RSPO2: variants seen among roughly 807,000 people sequenced by gnomAD.
RSPO2 encodes the protein R-spondin 2, also known as R-spondin-2.
Under a neutral mutation model 30.9 loss-of-function variants are expected in RSPO2, and 14 were observed. The ratio of observed to expected loss-of-function variants is 0.45; its 90% CI spans 0.30 to 0.71. The LOEUF (loss-of-function observed/expected upper bound fraction) is 0.71. Ranked by LOEUF, RSPO2 falls within the 30% of genes least tolerant of loss-of-function variation. RSPO2 has a pLI of 0.08. For synonymous variants in RSPO2, 107 were observed against 96.4 expected, an observed-to-expected ratio of 1.11 and a Z score of -0.64; for missense variants, 264 against 301.9, an observed-to-expected ratio of 0.87 and a Z score of 0.93.
chr8:107,983,728 G>C, intron 3 of RSPO2: 1 of 1,594,432 alleles, frequency 6.3e-7, no homozygotes, highest in Non-Finnish European at 8.6e-7. Context: ...GAAAAGGCCA[G>C]ACTTCTAAAA....
intron 5 of RSPO2, among the ~76,000 whole-genome samples, chr8:107,954,322 A>G (rs960503754): frequency 1.3e-5 from 2 of 152,206 alleles, no homozygotes; most frequent in Admixed American, 6.5e-5. Context: ...TATGACAAAA[A>G]GCATGTTTAT....
intron 5 of RSPO2, among the ~76,000 whole-genome samples, chr8:107,945,108 AT>A (rs1390194584): frequency 6.6e-6 from 1 of 152,096 alleles, no homozygotes; most frequent in Non-Finnish European, 1.5e-5. Flanking sequence ...ATCATCACAA[AT>A]GGGCAATGAC....
chr8:108,041,766 C>T (rs1401848050), intron 2 of RSPO2, among the ~76,000 whole-genome samples: 5 of 151,912 alleles, frequency 3.3e-5, no homozygotes, highest in African/African-American at 4.8e-5. Flanking sequence ...AGTCCAAAAC[C>T]AATGATGGAA....
chr8:108,017,092 C>G (rs946502728), intron 2 of RSPO2, among the ~76,000 whole-genome samples: 8 of 151,740 alleles, frequency 5.3e-5, no homozygotes, highest in African/African-American at 1.9e-4. Context: ...TCTCGGCTCT[C>G]TGCAAGCTCC....
At chr8:108,063,430 A>T (rs1205088394) in intron 2 of RSPO2, among the ~76,000 whole-genome samples, 1 of 151,880 alleles carries the variant, frequency 6.6e-6, no homozygotes, top group Non-Finnish European at 1.5e-5. Flanking sequence ...TCCCATTCAC[A>T]ATTGCTTCAA....
chr8:108,050,904 T>C (rs1035931114), intron 2 of RSPO2, among the ~76,000 whole-genome samples: 4 of 152,128 alleles, frequency 2.6e-5, no homozygotes, highest in African/African-American at 9.7e-5. Flanking sequence ...TGTTCCTGGG[T>C]TCACTTTTTT....
intron 2 of RSPO2, among the ~76,000 whole-genome samples, chr8:108,047,177 T>C (rs1482370069): frequency 1.3e-5 from 2 of 152,226 alleles, no homozygotes; most frequent in African/African-American, 4.8e-5. Context: ...TGCTCTTCAT[T>C]ATAATACTTG....
In RSPO2 at chr8:107,973,226, C is replaced by T. The variant is rs137974179; in HGVS notation, c.284-12409G>A. ...CAGAGTTTGCAGTGAGCCGAGATCA[C>T]GCCACTGCACTCCAGCCTCAGCAAC... On this transcript the variant is annotated intron_variant, in intron 3 of 5. Coordinates refer to ENST00000276659, the MANE Select transcript of RSPO2 (RefSeq NM_178565.5). Among the ~76,000 whole-genome samples the T allele has an allele frequency of 4.4e-4, 66 of 151,528 alleles. No homozygotes were observed. In the East Asian group the frequency reaches 0.011, roughly 26 times the overall value.
At chr8:107,929,412 CCT>C (rs1356566645) in intron 5 of RSPO2, among the ~76,000 whole-genome samples, 2 of 152,152 alleles carry the variant, frequency 1.3e-5, no homozygotes, top group Admixed American at 6.6e-5. Context: ...TTACATGCCC[CCT>C]GTTTAGCAGC....
rs185945770 is a variant in RSPO2 at position 108,049,593 on chromosome 8, C to G, written c.94+32952G>C. On this transcript the variant is annotated intron_variant, in intron 2 of 5. Coordinates refer to ENST00000276659, the MANE Select transcript of RSPO2 (RefSeq NM_178565.5). ...CAGGCCCCAGTATGTGATGTTCCCC[C>G]CTTCCTGTGTCCATGTGTTCTCATT... is the stretch of plus-strand genomic sequence containing the variant. Among the ~76,000 whole-genome samples the G allele has an allele frequency of 5.3e-5, 8 of 152,010 alleles. No homozygotes were observed. In the East Asian group the frequency reaches 7.8e-4, roughly 15 times the overall value.
At chr8:108,069,134 C>CA (rs925087054) in intron 2 of RSPO2, among the ~76,000 whole-genome samples, 3 of 152,022 alleles carry the variant, frequency 2.0e-5, no homozygotes, top group East Asian at 1.9e-4. Flanking sequence ...CAGAGTAAGT[C>CA]AAAAATCAAT....
intron 3 of RSPO2, among the ~76,000 whole-genome samples, chr8:107,986,623 A>G (rs896824297): frequency 3.3e-5 from 5 of 152,210 alleles, no homozygotes; most frequent in African/African-American, 1.2e-4. Flanking sequence ...CATAGTTGTT[A>G]ATGGCAGCCC....
At chr8:107,981,145 T>G (rs10098172) in intron 3 of RSPO2, among the ~76,000 whole-genome samples, 11,369 of 152,246 alleles carry the variant, frequency 0.075, 894 homozygotes, top group African/African-American at 0.2. Flanking sequence ...TGTCCAGATT[T>G]GGACATTTCA....
intron 2 of RSPO2, among the ~76,000 whole-genome samples, chr8:108,021,498 T>A (rs377622727): frequency 7.2e-5 from 11 of 151,938 alleles, no homozygotes; most frequent in Non-Finnish European, 1.5e-4. Context: ...ATGCCAAACC[T>A]CTCCTCTTCA....
chr8:107,994,063 A>G (rs755155988), intron 2 of RSPO2, among the ~76,000 whole-genome samples: 4 of 152,126 alleles, frequency 2.6e-5, no homozygotes, highest in Non-Finnish European at 5.9e-5. Flanking sequence ...AATATTGGAG[A>G]AAATAAAACA....
chr8:108,001,645 T>A (rs1235222430), intron 2 of RSPO2, among the ~76,000 whole-genome samples: 2 of 152,064 alleles, frequency 1.3e-5, no homozygotes, highest in Non-Finnish European at 2.9e-5. Context: ...AAACATAGGA[T>A]GGTTGGGTGT....
At chr8:107,912,072 C>T (rs866710450) in intron 5 of RSPO2, among the ~76,000 whole-genome samples, 1 of 152,018 alleles carries the variant, frequency 6.6e-6, no homozygotes, top group Non-Finnish European at 1.5e-5. Flanking sequence ...CATTTAGCAG[C>T]TCCAACTCAG....
At chr8:108,072,511 T>G (rs1401113582) in intron 2 of RSPO2, among the ~76,000 whole-genome samples, 1 of 134,658 alleles carries the variant, frequency 7.4e-6, no homozygotes, top group African/African-American at 2.7e-5. Flanking sequence ...TTTTTTTTTT[T>G]GTATTTTTAG....
intron 3 of RSPO2, chr8:107,983,995 A>T (rs779897932): frequency 9.5e-6 from 7 of 733,652 alleles, no homozygotes; most frequent in Non-Finnish European, 1.6e-5. Context: ...CAAAAGGGGA[A>T]AAGAGGAAAT....
Sources: allele counts gnomAD v4.1 joint callset (sites outside exome capture counted in the v4.1 genomes callset), GRCh38; gene constraint gnomAD v4.1.1; transcripts MANE v1.5; gene names NCBI Gene and HGNC (gene_info 2026-07-23, HGNC 2026-07-21).